DPYD: variants seen among roughly 807,000 people sequenced by gnomAD.
DPYD encodes the protein dihydropyrimidine dehydrogenase [NADP(+)].
A neutral mutation model predicts 116.2 loss-of-function variants in DPYD; 109 were observed. That is an observed-to-expected ratio of 0.94 (90% CI 0.80 to 1.10). The LOEUF is 1.10. Ranked by LOEUF, DPYD falls within the 50% of genes least tolerant of loss-of-function variation. The pLI, the probability that DPYD is intolerant of heterozygous loss-of-function variation, is 0.00. For synonymous variants in DPYD, 440 were observed against 432.0 expected (o/e 1.02, Z -0.23); for missense variants, 1,302 against 1,254.5 (o/e 1.04, Z -0.57).
intron 18 of DPYD, among the ~76,000 whole-genome samples, chr1:97,257,383 A>G (rs1212780270): frequency 6.6e-6 from 1 of 150,786 alleles, no homozygotes; most frequent in African/African-American, 2.4e-5. Flanking sequence ...ATTTTCTGAG[A>G]GCATATTTTG....
At chr1:97,225,441 G>T (rs868193139) in intron 19 of DPYD, among the ~76,000 whole-genome samples, 1 of 151,352 alleles carries the variant, frequency 6.6e-6, no homozygotes, top group South Asian at 2.1e-4. Context: ...ATTTACTCGG[G>T]TTCTTTATTC....
At chr1:97,833,153 T>C (rs1213022991) in intron 2 of DPYD, among the ~76,000 whole-genome samples, 2 of 152,030 alleles carry the variant, frequency 1.3e-5, no homozygotes, top group Admixed American at 6.6e-5. Context: ...CAAACCTAAA[T>C]TGAATAAATT....
At chr1:97,476,305 G>A (rs1188882790) in intron 13 of DPYD, among the ~76,000 whole-genome samples, 2 of 152,140 alleles carry the variant, frequency 1.3e-5, no homozygotes, top group African/African-American at 4.8e-5. Context: ...CTGCTGGGAA[G>A]AGTAAAATAT....
At chr1:97,122,215 T>A (rs1270365128) in intron 20 of DPYD, among the ~76,000 whole-genome samples, 1 of 152,106 alleles carries the variant, frequency 6.6e-6, no homozygotes, top group Non-Finnish European at 1.5e-5. Flanking sequence ...GAAAGATAGG[T>A]GACTATCATA....
intron 20 of DPYD, among the ~76,000 whole-genome samples, chr1:97,128,899 G>C (rs1653055009): frequency 6.6e-6 from 1 of 152,118 alleles, no homozygotes; most frequent in South Asian, 2.1e-4. Flanking sequence ...GGAGAGAAAA[G>C]TAGAGTGTGG....
At chr1:97,511,824 G>A (rs985137152) in intron 13 of DPYD, among the ~76,000 whole-genome samples, 1 of 151,796 alleles carries the variant, frequency 6.6e-6, no homozygotes. Context: ...TCTTAATATT[G>A]TGTGATACTT....
At chr1:97,826,402 T>C (rs573637265) in intron 3 of DPYD, among the ~76,000 whole-genome samples, 141 of 86,360 alleles carry the variant, frequency 1.6e-3, no homozygotes, top group Middle Eastern at 6.4e-3. Flanking sequence ...TTCATTCACA[T>C]TGCCTCTTTT....
intron 14 of DPYD, among the ~76,000 whole-genome samples, chr1:97,411,204 C>T (rs962623554): frequency 6.6e-6 from 1 of 152,112 alleles, no homozygotes; most frequent in African/African-American, 2.4e-5. Context: ...TCCTCTTTTT[C>T]CCCGTGAGAT....
In DPYD at chr1:97,083,799, G is replaced by C. The variant is rs141491066; in HGVS notation, c.2767-1329C>G. The stretch of plus-strand genomic sequence containing the variant: ...CTGGGTCTTCCTTTGTATTTCTTTA[G>C]TTTTGTGAATAGCATTACGATTTTT... On this transcript the variant is annotated intron_variant, in intron 21 of 22. Coordinates refer to ENST00000370192, the MANE Select transcript of DPYD (RefSeq NM_000110.4). 5.1e-3 allele frequency among the ~76,000 whole-genome samples: 771 copies of C among 152,128 alleles called. 4 individuals are homozygous for C. The highest frequency in any genetic ancestry group is 8.5e-3 in the Non-Finnish European group (580 of 67,942).
At chr1:97,088,954 T>A (rs551333114) in intron 21 of DPYD, among the ~76,000 whole-genome samples, 1 of 152,314 alleles carries the variant, frequency 6.6e-6, no homozygotes, top group African/African-American at 2.4e-5. Flanking sequence ...CCACTATTTT[T>A]CTTTCTGTTC....
chr1:97,113,015 C>T (rs1298152542), intron 20 of DPYD, among the ~76,000 whole-genome samples: 1 of 152,148 alleles, frequency 6.6e-6, no homozygotes, highest in East Asian at 1.9e-4. Context: ...CTCCTCATCT[C>T]TGTTAACCCA....
At chr1:97,782,104 T>A (rs1571347825) in intron 3 of DPYD, among the ~76,000 whole-genome samples, 1 of 152,314 alleles carries the variant, frequency 6.6e-6, no homozygotes, top group East Asian at 1.9e-4. Flanking sequence ...GAAAGATAAA[T>A]TTTAAGTTGT....
intron 21 of DPYD, among the ~76,000 whole-genome samples, chr1:97,094,268 A>G (rs1452579272): frequency 2.0e-5 from 3 of 152,116 alleles, no homozygotes; most frequent in African/African-American, 7.2e-5. Flanking sequence ...CAATGGGGGA[A>G]TTTTAAGCAA....
chr1:97,338,941 T>C (rs532567172), intron 16 of DPYD, among the ~76,000 whole-genome samples: 2 of 152,046 alleles, frequency 1.3e-5, no homozygotes, highest in East Asian at 3.9e-4. Context: ...AGCTAATGAA[T>C]GAGACAGAGG....
At position 97,674,548 on chromosome 1, in the gene DPYD, G is replaced by C. The variant is rs367740773; in HGVS notation, c.850+4547C>G. Among the ~76,000 whole-genome samples, 7 of 151,640 alleles carry C rather than the reference G, an allele frequency of 4.6e-5. No individual in the cohort carries two copies. In the East Asian group the frequency reaches 5.8e-4, roughly 13 times the overall value. ...CTATCAGAAGATGAACAATCAGAAAGAGAAAAATAAATGGGCTTCTTTAAA... is the reference window on the plus strand; with the variant it reads ...CTATCAGAAGATGAACAATCAGAAACAGAAAAATAAATGGGCTTCTTTAAA... On this transcript the variant is annotated intron_variant, in intron 8 of 22. Transcript: ENST00000370192.
intron 5 of DPYD, among the ~76,000 whole-genome samples, chr1:97,710,558 AT>A (rs1014542167): frequency 7.2e-5 from 11 of 151,766 alleles, no homozygotes; most frequent in African/African-American, 2.2e-4. Flanking sequence ...ATTCTCAAAG[AT>A]TTTTTTCCAT....
At chr1:97,602,948 C>T (rs1232275809) in intron 8 of DPYD, among the ~76,000 whole-genome samples, 2 of 151,892 alleles carry the variant, frequency 1.3e-5, no homozygotes, top group Non-Finnish European at 2.9e-5. Context: ...CATATTTCAG[C>T]CATAAATTTA....
chr1:97,305,884 T>C (rs561606932), intron 17 of DPYD, among the ~76,000 whole-genome samples: 43 of 152,136 alleles, frequency 2.8e-4, no homozygotes, highest in African/African-American at 9.9e-4. Flanking sequence ...TCATTTATTT[T>C]GGACGGGTTT....
At position 97,173,389 on chromosome 1, in the gene DPYD, C is replaced by A. The variant is rs144335164; in HGVS notation, c.2622+19680G>T. Among the ~76,000 whole-genome samples, 240 of 132,102 alleles carry A rather than the reference C, an allele frequency of 1.8e-3. 3 individuals are homozygous for A. Among genetic ancestry groups the A allele is most frequent in the African/African-American group, 6.7e-3 (228 of 34,184 alleles). The allele number at this position is 132,102 out of a possible 152,430, so 86.7% of individuals were successfully genotyped here. ...ATACATATATGTGTGTATATACGTA[C>A]ATATATGTGTGTATATACGTACGTA... On this transcript the variant is annotated intron_variant, in intron 20 of 22. Coordinates refer to ENST00000370192, the MANE Select transcript of DPYD (RefSeq NM_000110.4).
Sources: allele counts gnomAD v4.1 joint callset (sites outside exome capture counted in the v4.1 genomes callset), GRCh38; gene constraint gnomAD v4.1.1; transcripts MANE v1.5; gene names NCBI Gene and HGNC (gene_info 2026-07-23, HGNC 2026-07-21).